COL4A4: variants seen among roughly 807,000 people sequenced by gnomAD.
COL4A4 encodes the protein collagen type IV alpha 4 chain.
Under a neutral mutation model 192.9 loss-of-function variants are expected in COL4A4, and 105 were observed. The observed-to-expected ratio is 0.54, with a 90% confidence interval of 0.46 to 0.64. COL4A4 has a LOEUF of 0.64. COL4A4 is among the 30% of genes least tolerant of loss of function. The pLI, the probability that COL4A4 is intolerant of heterozygous loss-of-function variation, is 0.00. For synonymous variants in COL4A4, 762 were observed against 769.9 expected (o/e 0.99, Z 0.17); for missense variants, 1,967 against 2,169.3 (o/e 0.91, Z 1.85).
At chr2:226,989,312 T>A in the COL4A4 span, among the ~76,000 whole-genome samples, 2 of 152,182 alleles carry the variant, frequency 1.3e-5, no homozygotes, top group African/African-American at 4.8e-5. Flanking sequence ...ATTGTATGGA[T>A]CCACTTATGG....
At chr2:227,097,731 A>C (rs958277701) in intron 19 of COL4A4, among the ~76,000 whole-genome samples, 1 of 152,204 alleles carries the variant, frequency 6.6e-6, no homozygotes, top group Non-Finnish European at 1.5e-5. Flanking sequence ...AGGTTAAGTG[A>C]ACTAGACAAA....
Position 227,101,929 on chromosome 2 carries a change from C to A in COL4A4, c.931-20G>T. The A allele has an allele frequency of 1.3e-6, 2 of 1,579,896 alleles. No individual in the cohort carries two copies. Among genetic ancestry groups the A allele is most frequent in the South Asian group, 2.3e-5 (2 of 88,028 alleles). ...ATCCCCCTAATAAATTCACAAAAAT[C>A]AGGATAAACAGAATTAAATCAGAAT... On this transcript the variant is annotated intron_variant, in intron 15 of 47. Coordinates refer to ENST00000396625, the MANE Select transcript of COL4A4 (RefSeq NM_000092.5).
In COL4A4 at chr2:227,140,202, C is replaced by G. The variant is rs1489514277; in HGVS notation, c.151G>C (p.Asp51His). The change falls in exon 4 of 48, where the codon GAT becomes CAT. Residue 51 changes from aspartate to histidine, a missense_variant. Physicochemically the swap from Asp to His is moderately conservative, Grantham distance 81. Transcript: ENST00000396625. ...KKYIGPCGGR[D>H]CSVCHCVPEK... is the part of the protein sequence containing the mutation. ...GGAACACAGTGGCAAACAGAGCAAT[C>G]TCTTCCTCCACAAGGACCAATGTAT... The G allele has an allele frequency of 6.2e-7, 1 of 1,614,164 alleles. No individual in the cohort carries two copies. Among genetic ancestry groups the G allele is most frequent in the Non-Finnish European group, 8.5e-7 (1 of 1,179,996 alleles).
At chr2:227,068,331 C>G (rs1287872442) in intron 25 of COL4A4, among the ~76,000 whole-genome samples, 1 of 152,104 alleles carries the variant, frequency 6.6e-6, no homozygotes, top group South Asian at 2.1e-4. Context: ...CTATTCCAAT[C>G]AATAGAAAAA....
the COL4A4 span, among the ~76,000 whole-genome samples, chr2:226,981,005 C>T: frequency 6.6e-6 from 1 of 152,154 alleles, no homozygotes; most frequent in Non-Finnish European, 1.5e-5. Flanking sequence ...TGAGGCAGGC[C>T]ATTTCAAGGG....
At chr2:226,995,098 TA>T in the COL4A4 span, among the ~76,000 whole-genome samples, 181 of 139,146 alleles carry the variant, frequency 1.3e-3, 1 homozygote, top group East Asian at 0.011. Context: ...TATATGGGCA[TA>T]AAAAAAAAAA....
At chr2:227,028,290 A>G (rs1967447704) in intron 41 of COL4A4, among the ~76,000 whole-genome samples, 1 of 152,196 alleles carries the variant, frequency 6.6e-6, no homozygotes, top group Non-Finnish European at 1.5e-5. Flanking sequence ...TCCTCTGGAG[A>G]CAAAGGACTG....
In COL4A4 at chr2:227,111,684, G is replaced by A. The variant is rs373389340; in HGVS notation, c.588C>T (p.Gly196=). 5.3e-5 allele frequency: 86 copies of A among 1,613,982 alleles called. No individual in the cohort carries two copies. Among genetic ancestry groups the A allele is most frequent in the Non-Finnish European group, 7.2e-5 (85 of 1,179,946 alleles). ...GCCTGCTCAGGAGACTTACTGGTAA[G>A]CCAGGCAGTCCTGGGTCCCCTCTGT... is the stretch of plus-strand genomic sequence containing the variant. The part of the protein sequence containing the change: ...QGDRGDPGLP[G]LPGSWGAGGP... Residue 196 remains glycine (G), a synonymous_variant, in exon 9 of 48, where the codon GGC becomes GGT. Transcript: ENST00000396625.
downstream of COL4A4, chr2:226,998,593 T>C (rs1387798204): frequency 6.6e-6 from 1 of 152,146 alleles, no homozygotes; most frequent in African/African-American, 2.4e-5. Flanking sequence ...TTTTTTTTCA[T>C]GGCTGCTAGT....
At chr2:227,065,329 A>C (rs1018554776) in intron 25 of COL4A4, among the ~76,000 whole-genome samples, 35 of 152,358 alleles carry the variant, frequency 2.3e-4, no homozygotes, top group African/African-American at 3.1e-4. Flanking sequence ...CCCAGGCTTG[A>C]TTAGGTAAAC....
chr2:227,156,088 T>A (rs111604682), intron 1 of COL4A4, among the ~76,000 whole-genome samples: 8 of 151,222 alleles, frequency 5.3e-5, no homozygotes, highest in African/African-American at 1.9e-4. Flanking sequence ...TCACAATACA[T>A]TGGGAAAAAG....
intron 12 of COL4A4, among the ~76,000 whole-genome samples, chr2:227,106,586 G>A (rs945031884): frequency 4.6e-5 from 7 of 152,020 alleles, no homozygotes; most frequent in African/African-American, 1.7e-4. Flanking sequence ...TATTTTTTGA[G>A]ACGTAGTCTC....
downstream of COL4A4, among the ~76,000 whole-genome samples, chr2:227,000,761 C>T (rs1960729584): frequency 6.6e-6 from 1 of 151,758 alleles, no homozygotes; most frequent in African/African-American, 2.4e-5. Flanking sequence ...ATCTTGAATT[C>T]CCACGTGTCA....
At chr2:227,055,502 A>AAAC (rs1975107315) in intron 30 of COL4A4, among the ~76,000 whole-genome samples, 1 of 151,936 alleles carries the variant, frequency 6.6e-6, no homozygotes, top group South Asian at 2.1e-4. Flanking sequence ...CTCCTAAAAA[A>AAAC]AATAATAATA....
At chr2:227,111,756 C>T (rs1253570919) in intron 8 of COL4A4, 43 bp from the exon 9 acceptor site, 1 of 1,584,514 alleles carries the variant, frequency 6.3e-7, no homozygotes, top group African/African-American at 1.3e-5. Flanking sequence ...ACACAATGTT[C>T]CTAAAACAGA....
At position 227,164,153 on chromosome 2, in the gene COL4A4, GGCGGGGAACGCGGACCGCCGCGGGC is replaced by G. The variant is rs907702175; in HGVS notation, c.-273_-249del. 1.7e-4 allele frequency: 26 copies of G among 152,688 alleles called. No homozygotes were observed. The highest frequency in any genetic ancestry group is 2.2e-4 in the Non-Finnish European group (15 of 68,308). 9.5% of individuals were successfully genotyped at this position (152,688 alleles called of 1,614,324 possible). ...GGCCGCAAGTTGGAGGCGGGCTGGAGGCGGGGAACGCGGACCGCCGCGGGCGCGGGGAACAAGCGGGGCCTCCCGA... is the reference window on the plus strand; with the variant it reads ...GGCCGCAAGTTGGAGGCGGGCTGGAGGCGGGGAACAAGCGGGGCCTCCCGA... On this transcript the variant is annotated 5_prime_UTR_variant, in exon 1 of 48. Transcript: ENST00000396625. The surrounding 1 kb of genome is among the most constrained non-coding windows in gnomAD (Gnocchi z 4.8).
In COL4A4 at chr2:227,009,694, T is replaced by A. The variant is rs1231847316; in HGVS notation, c.4522+619A>T. ...GCCTGGGCAACAGAGCAAGACTCCA[T>A]CTCAAAAAAAAAAAAAGAGGAAAAG... On this transcript the variant is annotated intron_variant, in intron 46 of 47. Transcript: ENST00000396625. 3.5e-5 allele frequency among the ~76,000 whole-genome samples: 4 copies of A among 113,468 alleles called. No homozygotes were observed. In the Admixed American group the frequency reaches 4.7e-4, roughly 13 times the overall value. 74.4% of individuals were successfully genotyped at this position (113,468 alleles called of 152,430 possible).
intron 17 of COL4A4, among the ~76,000 whole-genome samples, chr2:227,100,808 C>CTTTTT (rs113276669): frequency 7.0e-6 from 1 of 142,242 alleles, no homozygotes. Context: ...CTGCGCTATT[C>CTTTTT]TTTTTTTTTT....
intron 3 of COL4A4, among the ~76,000 whole-genome samples, chr2:227,142,204 C>T (rs1196639698): frequency 2.0e-5 from 3 of 151,272 alleles, no homozygotes; most frequent in Non-Finnish European, 1.5e-5. Flanking sequence ...AGTTATTCTA[C>T]GTAAACATTC....
Sources: allele counts gnomAD v4.1 joint callset (sites outside exome capture counted in the v4.1 genomes callset), GRCh38; gene constraint gnomAD v4.1.1; non-coding constraint Gnocchi (gnomAD v3.1); transcripts MANE v1.5; gene names NCBI Gene and HGNC (gene_info 2026-07-23, HGNC 2026-07-21).